GULP1: variants seen among roughly 807,000 people sequenced by gnomAD.
GULP1 encodes the protein PTB domain-containing engulfment adapter protein 1.
Under a neutral mutation model 40.9 loss-of-function variants are expected in GULP1, and 19 were observed. The ratio of observed to expected loss-of-function variants is 0.46; its 90% confidence interval spans 0.32 to 0.68. GULP1 has a LOEUF of 0.68. Ranked by LOEUF, GULP1 falls within the 30% of genes least tolerant of loss-of-function variation. The pLI is 0.03. For synonymous variants in GULP1, 119 were observed against 117.6 expected (o/e 1.01, Z -0.08); for missense variants, 312 against 362.2 (o/e 0.86, Z 1.12).
intron 1 of GULP1, among the ~76,000 whole-genome samples, chr2:188,309,924 C>T (rs1022413242): frequency 2.0e-5 from 3 of 152,204 alleles, no homozygotes; most frequent in African/African-American, 7.2e-5. Flanking sequence ...GAAGAGTGGA[C>T]TTATAAGCTT....
At chr2:188,542,576 G>A (rs1690814159) in intron 7 of GULP1, among the ~76,000 whole-genome samples, 1 of 151,840 alleles carries the variant, frequency 6.6e-6, no homozygotes, top group Non-Finnish European at 1.5e-5. Flanking sequence ...TAAGCTACTA[G>A]ATATCATAAT....
At chr2:188,403,017 G>A (rs2052531713) in intron 2 of GULP1, among the ~76,000 whole-genome samples, 1 of 152,106 alleles carries the variant, frequency 6.6e-6, no homozygotes, top group Non-Finnish European at 1.5e-5. Flanking sequence ...TTCATTACAT[G>A]CTACTGCTTG....
intron 2 of GULP1, among the ~76,000 whole-genome samples, chr2:188,404,035 T>TATA (rs1258181748): frequency 6.6e-6 from 1 of 152,110 alleles, no homozygotes; most frequent in African/African-American, 2.4e-5. Flanking sequence ...GACAGACTTA[T>TATA]AGCACTGAGA....
At chr2:188,546,816 A>G (rs148062774) in intron 7 of GULP1, among the ~76,000 whole-genome samples, 67 of 152,154 alleles carry the variant, frequency 4.4e-4, no homozygotes, top group African/African-American at 1.6e-3. Flanking sequence ...TTGGCAAAGA[A>G]CAAAAGAGGG....
At chr2:188,505,297 G>A (rs1203295084) in intron 4 of GULP1, among the ~76,000 whole-genome samples, 1 of 151,592 alleles carries the variant, frequency 6.6e-6, no homozygotes, top group East Asian at 1.9e-4. Context: ...TGAATTAAAT[G>A]TTCTCCTTTT....
chr2:188,373,285 C>T (rs1001526171), intron 1 of GULP1, among the ~76,000 whole-genome samples: 2 of 151,776 alleles, frequency 1.3e-5, no homozygotes, highest in African/African-American at 4.8e-5. Flanking sequence ...TAGCCTAATA[C>T]TTTCTGAGGG....
At chr2:188,329,818 G>A (rs2041309207) in intron 1 of GULP1, among the ~76,000 whole-genome samples, 1 of 152,124 alleles carries the variant, frequency 6.6e-6, no homozygotes, top group Non-Finnish European at 1.5e-5. Context: ...TGGCAAGATG[G>A]GGACAGGATT....
intron 1 of GULP1, among the ~76,000 whole-genome samples, chr2:188,383,543 C>T (rs1382418913): frequency 6.6e-6 from 1 of 152,192 alleles, no homozygotes; most frequent in African/African-American, 2.4e-5. Context: ...TTTAACACAT[C>T]ATCTACAAAT....
At chr2:188,505,450 AT>A (rs750251208) in intron 4 of GULP1, among the ~76,000 whole-genome samples, 28 of 151,798 alleles carry the variant, frequency 1.8e-4, no homozygotes, top group Non-Finnish European at 3.8e-4. Flanking sequence ...TTGCCCCCAA[AT>A]AACTCCATAC....
chr2:188,552,050 C>T (rs946528194), intron 7 of GULP1, among the ~76,000 whole-genome samples: 7 of 150,778 alleles, frequency 4.6e-5, no homozygotes, highest in Non-Finnish European at 7.4e-5. Context: ...GTTTGAGTTC[C>T]TTGTATATTC....
At chr2:188,325,470 C>T (rs934229849) in intron 1 of GULP1, among the ~76,000 whole-genome samples, 5 of 152,000 alleles carry the variant, frequency 3.3e-5, no homozygotes, top group South Asian at 4.1e-4. Context: ...AAAAAAGATA[C>T]GATATTCGTG....
At chr2:188,526,919 G>C (rs1257316889) in intron 5 of GULP1, among the ~76,000 whole-genome samples, 1 of 152,158 alleles carries the variant, frequency 6.6e-6, no homozygotes, top group Admixed American at 6.6e-5. Flanking sequence ...AGCTTAGATT[G>C]CATGAACCTG....
chr2:188,400,556 A>T (rs977799734), intron 2 of GULP1, among the ~76,000 whole-genome samples: 11 of 152,192 alleles, frequency 7.2e-5, no homozygotes, highest in African/African-American at 2.7e-4. Context: ...ATTATCCTAA[A>T]TGTAGTGGAG....
intron 2 of GULP1, among the ~76,000 whole-genome samples, chr2:188,438,181 A>G (rs1052469304): frequency 2.0e-5 from 3 of 152,144 alleles, no homozygotes; most frequent in Admixed American, 1.3e-4. Context: ...TAAGGTTAAT[A>G]TAAAATCTTA....
intron 2 of GULP1, among the ~76,000 whole-genome samples, chr2:188,386,389 C>A (rs1372249617): frequency 2.0e-5 from 3 of 152,142 alleles, no homozygotes; most frequent in African/African-American, 4.8e-5. Flanking sequence ...GTGGGAATTA[C>A]AATTCAAGGT....
At chr2:188,535,704 G>A (rs1256163338) in intron 6 of GULP1, among the ~76,000 whole-genome samples, 1 of 152,122 alleles carries the variant, frequency 6.6e-6, no homozygotes, top group Non-Finnish European at 1.5e-5. Context: ...TATATGTCAA[G>A]TATGTATACC....
At chr2:188,344,490 G>A (rs902188790) in intron 1 of GULP1, among the ~76,000 whole-genome samples, 1 of 152,172 alleles carries the variant, frequency 6.6e-6, no homozygotes, top group Non-Finnish European at 1.5e-5. Flanking sequence ...TTGCAGAGCC[G>A]GTTAGATTTC....
At chr2:188,336,448 A>T (rs2042262807) in intron 1 of GULP1, among the ~76,000 whole-genome samples, 2 of 152,246 alleles carry the variant, frequency 1.3e-5, no homozygotes, top group Non-Finnish European at 2.9e-5. Context: ...GGTGCTGAAG[A>T]TACAGCATCA....
At chr2:188,585,499 C>T (rs1355574125) in intron 10 of GULP1, among the ~76,000 whole-genome samples, 1 of 152,230 alleles carries the variant, frequency 6.6e-6, no homozygotes, top group African/African-American at 2.4e-5. Flanking sequence ...CCTCCGAAAT[C>T]TAGGCAGAGG....
Sources: allele counts gnomAD v4.1 joint callset (sites outside exome capture counted in the v4.1 genomes callset), GRCh38; gene constraint gnomAD v4.1.1; transcripts MANE v1.5; gene names NCBI Gene and HGNC (gene_info 2026-07-23, HGNC 2026-07-21).